Variants in VPS50 observed in about 807,000 individuals in gnomAD.
VPS50 encodes syndetin.
A neutral mutation model predicts 139.7 loss-of-function variants in VPS50; 70 were observed. The observed-to-expected ratio is 0.50, with a 90% CI of 0.41 to 0.61. The LOEUF (loss-of-function observed/expected upper bound fraction) is 0.61. VPS50 is among the 20% of genes least tolerant of loss of function. The probability of loss-of-function intolerance (pLI) is 0.00; values close to 1 mark genes in which losing one functional copy is unlikely to be tolerated. For synonymous variants in VPS50, 365 were observed against 376.7 expected, an observed-to-expected ratio of 0.97 and a Z score of 0.36; for missense variants, 921 against 1,133.7, an observed-to-expected ratio of 0.81 and a Z score of 2.69.
chr7:93,324,952 G>T (rs1044843295), intron 21 of VPS50, among the ~76,000 whole-genome samples: 1 of 152,010 alleles, frequency 6.6e-6, no homozygotes, highest in African/African-American at 2.4e-5. Context: ...CTACTTTAAA[G>T]TTCATATGGA....
intron 20 of VPS50, among the ~76,000 whole-genome samples, chr7:93,314,679 TACCCTAGC>T (rs1219184033): frequency 2.6e-5 from 4 of 152,146 alleles, no homozygotes; most frequent in Non-Finnish European, 5.9e-5. Context: ...AGAAAAAATA[TACCCTAGC>T]ACCCTAGCAC....
intron 11 of VPS50, among the ~76,000 whole-genome samples, chr7:93,274,185 G>A (rs1262436568): frequency 6.6e-6 from 1 of 152,076 alleles, no homozygotes; most frequent in African/African-American, 2.4e-5. Context: ...AGCTAGAAAT[G>A]ATTAAGCTTA....
intron 13 of VPS50, among the ~76,000 whole-genome samples, chr7:93,293,113 G>A (rs1457143587): frequency 6.6e-6 from 1 of 152,046 alleles, no homozygotes; most frequent in African/African-American, 2.4e-5. Context: ...GAGTAGTAAC[G>A]CATCTACCCT....
chr7:93,275,653 T>C (rs1796132512), intron 11 of VPS50, among the ~76,000 whole-genome samples: 1 of 152,170 alleles, frequency 6.6e-6, no homozygotes, highest in Admixed American at 6.5e-5. Context: ...TAAAAAAATT[T>C]GCTTTGTGAG....
chr7:93,322,461 G>T (rs1439681651), intron 20 of VPS50, among the ~76,000 whole-genome samples: 1 of 151,522 alleles, frequency 6.6e-6, no homozygotes, highest in Non-Finnish European at 1.5e-5. Context: ...TTAGCCGGGC[G>T]TGGTAGCGGG....
At chr7:93,283,131 G>A (rs1796376634) in intron 12 of VPS50, among the ~76,000 whole-genome samples, 1 of 151,858 alleles carries the variant, frequency 6.6e-6, no homozygotes, top group South Asian at 2.1e-4. Flanking sequence ...ACTATTTCCT[G>A]GATGCTGGTA....
intron 11 of VPS50, among the ~76,000 whole-genome samples, chr7:93,274,788 C>T (rs773307725): frequency 6.6e-6 from 1 of 152,060 alleles, no homozygotes; most frequent in African/African-American, 2.4e-5. Flanking sequence ...AATTGAAAAG[C>T]GTCTGGATTT....
chr7:93,273,960 G>C (rs149344222), intron 11 of VPS50, among the ~76,000 whole-genome samples: 1 of 152,090 alleles, frequency 6.6e-6, no homozygotes, highest in East Asian at 1.9e-4. Flanking sequence ...TGAGCTTCAT[G>C]TTAGTATTGT....
Position 93,323,642 on chromosome 7 carries a change from G to T in VPS50, c.1887G>T (p.Lys629Asn). The T allele has an allele frequency of 7.4e-7, 1 of 1,351,168 alleles. No homozygotes were observed. The allele number at this position is 1,351,168 out of a possible 1,614,324, so 83.7% of individuals were successfully genotyped here. A position where few individuals can be genotyped will look rare whatever the true frequency, so the allele number is the denominator to read the frequency against. ...ATATGCAGATGATGAACATTCTTAA[G>T]CCAATTGCCTTTGATGTTATTCATT... ...GKYMQMMNIL[K>N]PIAFDVIHFM... The change falls in exon 21 of 28, where the codon AAG becomes AAT. Residue 629 changes from lysine to asparagine, a missense_variant. Coordinates refer to ENST00000305866, the MANE Select transcript of VPS50 (RefSeq NM_017667.4).
chr7:93,277,498 C>T (rs1202857242), intron 12 of VPS50, among the ~76,000 whole-genome samples: 2 of 152,108 alleles, frequency 1.3e-5, no homozygotes, highest in Non-Finnish European at 2.9e-5. Context: ...TAATCTTCAT[C>T]CTTCAATGAA....
At chr7:93,324,611 C>T (rs1346089640) in intron 21 of VPS50, among the ~76,000 whole-genome samples, 1 of 152,014 alleles carries the variant, frequency 6.6e-6, no homozygotes, top group African/African-American at 2.4e-5. Flanking sequence ...TATATTGAAC[C>T]AGCCTTGCAA....
chr7:93,249,974 AC>A (rs1795271432), intron 2 of VPS50, among the ~76,000 whole-genome samples: 1 of 151,724 alleles, frequency 6.6e-6, no homozygotes. Flanking sequence ...TTGTAGATAA[AC>A]CCCTTCAGGA....
chr7:93,349,744 T>C (rs1427472984), intron 24 of VPS50, 131 bp from the exon 25 acceptor site: 1 of 655,606 alleles, frequency 1.5e-6, no homozygotes, highest in Admixed American at 3.3e-5. Flanking sequence ...ATTTTCATCA[T>C]AATTTAAATC....
At chr7:93,279,892 T>C (rs978940124) in intron 12 of VPS50, among the ~76,000 whole-genome samples, 1 of 152,060 alleles carries the variant, frequency 6.6e-6, no homozygotes, top group Non-Finnish European at 1.5e-5. Flanking sequence ...AGAGTGGAAA[T>C]GAAAAGAGAT....
At chr7:93,290,197 G>T (rs1244588922) in intron 12 of VPS50, among the ~76,000 whole-genome samples, 1 of 151,614 alleles carries the variant, frequency 6.6e-6, no homozygotes, top group Non-Finnish European at 1.5e-5. Flanking sequence ...GAATTTCTGG[G>T]CATATTTTTA....
chr7:93,284,999 AC>A (rs996186746), intron 12 of VPS50, among the ~76,000 whole-genome samples: 4 of 152,218 alleles, frequency 2.6e-5, no homozygotes, highest in African/African-American at 4.8e-5. Context: ...GTCCAGAGTT[AC>A]CCCCAAAGAT....
At chr7:93,288,349 TATGTATGAATA>T (rs1418903514) in intron 12 of VPS50, among the ~76,000 whole-genome samples, 2 of 152,184 alleles carry the variant, frequency 1.3e-5, no homozygotes, top group African/African-American at 4.8e-5. Context: ...TACTCTTTTG[TATGTATGAATA>T]ATGTTCTACC....
chr7:93,289,689 A>C (rs1006709638), intron 12 of VPS50, among the ~76,000 whole-genome samples: 1 of 152,010 alleles, frequency 6.6e-6, no homozygotes, highest in Non-Finnish European at 1.5e-5. Context: ...ATTCTTACGT[A>C]TTCTGGAGGA....
intron 25 of VPS50, among the ~76,000 whole-genome samples, chr7:93,351,118 G>C (rs996321872): frequency 6.6e-6 from 1 of 152,156 alleles, no homozygotes; most frequent in Non-Finnish European, 1.5e-5. Context: ...CTGTGAGGCT[G>C]TCTCCAGACT....
Sources: gnomAD v4.1 joint callset for allele counts (sites outside exome capture counted in the v4.1 genomes callset) on GRCh38, gnomAD v4.1.1 for gene constraint, MANE v1.5 for transcripts, NCBI Gene and HGNC (gene_info 2026-07-23, HGNC 2026-07-21) for gene names.